MAPK10: variants seen among roughly 807,000 people sequenced by gnomAD.
MAPK10 encodes JNK3 alpha protein kinase.
A neutral mutation model predicts 59.3 loss-of-function variants in MAPK10; 25 were observed. The ratio of observed to expected loss-of-function variants is 0.42; its 90% CI spans 0.31 to 0.59. The LOEUF (loss-of-function observed/expected upper bound fraction) is 0.59. Among genes scored for constraint, MAPK10 ranks in the 20% least tolerant of loss-of-function variants. The pLI, the probability that MAPK10 is intolerant of heterozygous loss-of-function variation, is 0.15. For missense variants in MAPK10, 351 were observed against 568.9 expected, an observed-to-expected ratio of 0.62 and a Z score of 3.90; for synonymous variants, 190 against 200.5, an observed-to-expected ratio of 0.95 and a Z score of 0.44.
chr4:86,273,266 AG>A (rs2094485226), intron 2 of MAPK10, among the ~76,000 whole-genome samples: 1 of 152,076 alleles, frequency 6.6e-6, no homozygotes, highest in Non-Finnish European at 1.5e-5. Context: ...GCCTAACAAA[AG>A]AAAGGCAATT....
At chr4:86,165,435 T>C (rs1170654162) in intron 3 of MAPK10, among the ~76,000 whole-genome samples, 4 of 151,768 alleles carry the variant, frequency 2.6e-5, no homozygotes, top group Non-Finnish European at 5.9e-5. Context: ...TGGAATGCAG[T>C]GGCACAATCA....
At chr4:86,419,825 G>A (rs1371650449) in intron 1 of MAPK10, among the ~76,000 whole-genome samples, 1 of 152,078 alleles carries the variant, frequency 6.6e-6, no homozygotes, top group African/African-American at 2.4e-5. Context: ...GTAAATTAGA[G>A]TATAATTCTC....
At chr4:86,052,011 T>C (rs2043636365) in intron 11 of MAPK10, among the ~76,000 whole-genome samples, 1 of 152,166 alleles carries the variant, frequency 6.6e-6, no homozygotes, top group Admixed American at 6.6e-5. Context: ...AGACAGTGGC[T>C]ATTAATTTCT....
chr4:86,246,157 C>T (rs1281205497), intron 2 of MAPK10, among the ~76,000 whole-genome samples: 1 of 152,150 alleles, frequency 6.6e-6, no homozygotes, highest in Non-Finnish European at 1.5e-5. Flanking sequence ...TTGGGCCAGG[C>T]GCGGTGGCTC....
At chr4:86,342,512 G>A (rs1376813707) in intron 2 of MAPK10, among the ~76,000 whole-genome samples, 1 of 145,214 alleles carries the variant, frequency 6.9e-6, no homozygotes, top group Non-Finnish European at 1.5e-5. Context: ...TATTATTGAT[G>A]GCTTAGATTA....
At chr4:86,180,375 T>C (rs1582074893) in intron 3 of MAPK10, among the ~76,000 whole-genome samples, 1 of 151,764 alleles carries the variant, frequency 6.6e-6, no homozygotes, top group East Asian at 1.9e-4. Context: ...TCTTATACAC[T>C]GTTGGTGGGA....
chr4:86,404,471 A>G (rs1181936663), intron 1 of MAPK10, among the ~76,000 whole-genome samples: 3 of 152,190 alleles, frequency 2.0e-5, no homozygotes, highest in African/African-American at 7.2e-5. Flanking sequence ...TAATGTACTT[A>G]CCAATGCCTA....
intron 1 of MAPK10, among the ~76,000 whole-genome samples, chr4:86,581,017 A>G (rs1270129497): frequency 6.6e-6 from 1 of 152,228 alleles, no homozygotes; most frequent in East Asian, 1.9e-4. Flanking sequence ...GGAGAATCCT[A>G]TTTTATAGTC....
intron 9 of MAPK10, among the ~76,000 whole-genome samples, chr4:86,068,672 T>C (rs2047182014): frequency 6.6e-6 from 1 of 152,140 alleles, no homozygotes; most frequent in Non-Finnish European, 1.5e-5. Context: ...TCTATCCAAG[T>C]ACATCCAAGT....
chr4:86,047,431 G>C (rs571475631), intron 11 of MAPK10, among the ~76,000 whole-genome samples: 2 of 152,230 alleles, frequency 1.3e-5, no homozygotes, highest in South Asian at 4.1e-4. Context: ...GAAACCGCAA[G>C]GATGCCATAT....
At chr4:86,129,761 T>A (rs2060679925) in intron 4 of MAPK10, among the ~76,000 whole-genome samples, 2 of 152,114 alleles carry the variant, frequency 1.3e-5, no homozygotes, top group African/African-American at 4.8e-5. Context: ...CCCTCCCCAA[T>A]GCATCCTGCT....
chr4:86,124,336 T>C (rs1368049903), intron 4 of MAPK10: 1 of 151,932 alleles, frequency 6.6e-6, no homozygotes, highest in African/African-American at 2.4e-5. Flanking sequence ...TATTACAAAA[T>C]TTTGGAGACA....
At chr4:86,474,666 G>C (rs1444632358) in intron 1 of MAPK10, among the ~76,000 whole-genome samples, 1 of 152,120 alleles carries the variant, frequency 6.6e-6, no homozygotes, top group Non-Finnish European at 1.5e-5. Flanking sequence ...TACAAAGCTA[G>C]AAAATGAGCT....
chr4:86,165,638 C>T (rs116518768), intron 3 of MAPK10, among the ~76,000 whole-genome samples: 12,046 of 131,692 alleles, frequency 0.091, 1,164 homozygotes, highest in African/African-American at 0.24. Flanking sequence ...TGGCCTCAAA[C>T]AATTCTCCCG....
chr4:86,151,875 G>A (rs754480350), intron 4 of MAPK10: 3 of 152,212 alleles, frequency 2.0e-5, no homozygotes, highest in Non-Finnish European at 2.9e-5. Flanking sequence ...CATCCCAGAT[G>A]TATTAGATCT....
chr4:86,180,200 C>CA (rs1465217345), intron 3 of MAPK10, among the ~76,000 whole-genome samples: 32 of 151,990 alleles, frequency 2.1e-4, no homozygotes, highest in African/African-American at 7.7e-4. Context: ...CAAAAGAAGA[C>CA]ACACGAATGG....
chr4:86,211,196 A>T (rs74761059), intron 2 of MAPK10, among the ~76,000 whole-genome samples: 12,916 of 152,062 alleles, frequency 0.085, 1,217 homozygotes, highest in African/African-American at 0.23. Flanking sequence ...AAACTTCCCA[A>T]GTTTGATGAA....
chr4:86,169,685 C>A (rs574897370), intron 3 of MAPK10, among the ~76,000 whole-genome samples: 1 of 151,780 alleles, frequency 6.6e-6, no homozygotes, highest in Admixed American at 6.6e-5. Context: ...CAAGGCAGGC[C>A]AACATTCAGA....
intron 2 of MAPK10, among the ~76,000 whole-genome samples, chr4:86,354,124 T>C (rs1207658586): frequency 6.6e-6 from 1 of 151,670 alleles, no homozygotes; most frequent in South Asian, 2.1e-4. Context: ...GTGTGTGTGT[T>C]CCTGAAAGAA....
Sources: allele counts gnomAD v4.1 joint callset (sites outside exome capture counted in the v4.1 genomes callset), GRCh38; gene constraint gnomAD v4.1.1; transcripts MANE v1.5; gene names NCBI Gene and HGNC (gene_info 2026-07-23, HGNC 2026-07-21).